Variants in NPAS3 observed in about 807,000 individuals in gnomAD.
The protein encoded by NPAS3 is neuronal PAS domain-containing protein 3.
NPAS3 carries 14 observed loss-of-function variants against 73.1 expected under a neutral mutation model. That is an observed-to-expected ratio of 0.19 (90% CI 0.13 to 0.30). The LOEUF is 0.30. Ranked by LOEUF, NPAS3 falls within the 10% of genes least tolerant of loss-of-function variation. NPAS3 has a pLI of 1.00. For synonymous variants in NPAS3, 620 were observed against 541.5 expected, an observed-to-expected ratio of 1.14 and a Z score of -2.01; for missense variants, 1,096 against 1,250.0, an observed-to-expected ratio of 0.88 and a Z score of 1.86.
At chr14:33,094,856 C>A in intron 2 of NPAS3, among the ~76,000 whole-genome samples, 1 of 152,154 alleles carries the variant, frequency 6.6e-6, no homozygotes, top group Non-Finnish European at 1.5e-5. Context: ...TTGAACACCT[C>A]CAAAACTGAT....
At chr14:33,599,229 T>A (rs184733749) in intron 5 of NPAS3, among the ~76,000 whole-genome samples, 293 of 152,346 alleles carry the variant, frequency 1.9e-3, no homozygotes, top group Middle Eastern at 3.4e-3. Context: ...ATCCATTTGT[T>A]ACCTGAATTG....
At chr14:33,133,378 T>C (rs1486666238) in intron 2 of NPAS3, among the ~76,000 whole-genome samples, 3 of 152,188 alleles carry the variant, frequency 2.0e-5, no homozygotes, top group African/African-American at 7.2e-5. Context: ...TCAGAAGATA[T>C]TAGCAAGGCT....
At chr14:33,116,624 C>T (rs2043072584) in intron 2 of NPAS3, among the ~76,000 whole-genome samples, 1 of 152,084 alleles carries the variant, frequency 6.6e-6, no homozygotes, top group Non-Finnish European at 1.5e-5. Context: ...AATTTTCCCA[C>T]ATGAATGTTA....
chr14:33,344,459 C>A (rs1021289607), intron 3 of NPAS3, among the ~76,000 whole-genome samples: 1 of 152,086 alleles, frequency 6.6e-6, no homozygotes, highest in African/African-American at 2.4e-5. Flanking sequence ...TTGCTGTAAT[C>A]CCAATCCAAA....
chr14:33,273,171 CCT>C (rs1482169403), intron 3 of NPAS3, among the ~76,000 whole-genome samples: 2 of 152,090 alleles, frequency 1.3e-5, no homozygotes, highest in Non-Finnish European at 2.9e-5. Flanking sequence ...TGGGCTGTCC[CCT>C]GACTCCCCCG....
intron 2 of NPAS3, among the ~76,000 whole-genome samples, chr14:33,199,713 C>A (rs1012579158): frequency 6.8e-6 from 1 of 147,842 alleles, no homozygotes; most frequent in African/African-American, 2.5e-5. Flanking sequence ...TTCCCCTCCC[C>A]CTTCTTCTTC....
chr14:33,502,272 A>ATT (rs34556992), intron 4 of NPAS3, among the ~76,000 whole-genome samples: 43 of 149,772 alleles, frequency 2.9e-4, no homozygotes, highest in South Asian at 1.7e-3. Flanking sequence ...GCTCTCCCCC[A>ATT]TTTTTTTTTT....
upstream of NPAS3, chr14:32,939,265 C>CCGG: frequency 1.4e-6 from 1 of 697,484 alleles, no homozygotes; most frequent in Non-Finnish European, 2.5e-6. Flanking sequence ...GCCCCCCACC[C>CCGG]GGGAGGGGGG....
intron 4 of NPAS3, among the ~76,000 whole-genome samples, chr14:33,452,772 CTCAAAAA>C (rs1566916418): frequency 1.1e-4 from 1 of 9,406 alleles, no homozygotes; most frequent in South Asian, 4.6e-3. Flanking sequence ...TAGACTCTGT[CTCAAAAA>C]AAAAAAAAAA....
chr14:33,485,542 G>T (rs546486770), intron 4 of NPAS3, among the ~76,000 whole-genome samples: 1 of 152,030 alleles, frequency 6.6e-6, no homozygotes, highest in African/African-American at 2.4e-5. Context: ...GAGGTCCCCC[G>T]ACTACCCCAC....
At chr14:33,435,551 G>A (rs2048953047) in intron 4 of NPAS3, among the ~76,000 whole-genome samples, 1 of 152,048 alleles carries the variant, frequency 6.6e-6, no homozygotes, top group Admixed American at 6.6e-5. Flanking sequence ...TAGAATTCTG[G>A]ATTTATGTCA....
At chr14:33,087,980 G>A (rs79935524) in intron 2 of NPAS3, among the ~76,000 whole-genome samples, 8,225 of 152,310 alleles carry the variant, frequency 0.054, 279 homozygotes, top group Middle Eastern at 0.11. Context: ...TGAGGGGGGA[G>A]TCTAGATTGT....
intron 1 of NPAS3, among the ~76,000 whole-genome samples, chr14:32,998,985 C>G (rs2139547906): frequency 6.6e-6 from 1 of 152,294 alleles, no homozygotes; most frequent in African/African-American, 2.4e-5. Context: ...TGTGCTTCAT[C>G]AGGGCTGGAA....
intron 2 of NPAS3, among the ~76,000 whole-genome samples, chr14:33,131,902 A>T (rs926179239): frequency 3.9e-5 from 6 of 152,158 alleles, no homozygotes; most frequent in African/African-American, 1.4e-4. Flanking sequence ...TGATAGAGAA[A>T]GTGGGACAAG....
chr14:33,377,567 T>G (rs1413987617), intron 4 of NPAS3, among the ~76,000 whole-genome samples: 5 of 152,236 alleles, frequency 3.3e-5, no homozygotes, highest in Admixed American at 6.5e-5. Context: ...CTCAGAAGGA[T>G]GTTCATAATG....
At chr14:33,435,171 C>T (rs2139192940) in intron 4 of NPAS3, among the ~76,000 whole-genome samples, 1 of 152,286 alleles carries the variant, frequency 6.6e-6, no homozygotes, top group South Asian at 2.1e-4. Flanking sequence ...TGAAATCCAT[C>T]AGTCATAACC....
At position 33,160,742 on chromosome 14, in the gene NPAS3, TTTTG is replaced by T. The variant is rs1388625316; in HGVS notation, c.141-54436_141-54433del. Among the ~76,000 whole-genome samples the T allele has an allele frequency of 1.6e-4, 24 of 151,258 alleles. No homozygotes were observed. In the East Asian group the frequency reaches 3.1e-3, roughly 19 times the overall value. ...TTCTGTTTTTATTTATTTACTTTTT[TTTTG>T]TTTTAAGTCACAGAACTGCAGGAAC... On this transcript the variant is annotated intron_variant, in intron 2 of 11. Coordinates refer to ENST00000356141, the Ensembl canonical transcript of NPAS3.
intron 5 of NPAS3, among the ~76,000 whole-genome samples, chr14:33,642,776 C>A (rs1199488780): frequency 6.6e-6 from 1 of 152,084 alleles, no homozygotes; most frequent in Non-Finnish European, 1.5e-5. Flanking sequence ...GTCAGAGAAG[C>A]CTGGCTGAAC....
chr14:33,555,597 C>T (rs550983726), intron 4 of NPAS3, among the ~76,000 whole-genome samples: 27 of 152,240 alleles, frequency 1.8e-4, no homozygotes, highest in African/African-American at 6.3e-4. Flanking sequence ...CTTCCTCCTC[C>T]CACCTTTTTA....
Sources: allele counts gnomAD v4.1 joint callset (sites outside exome capture counted in the v4.1 genomes callset), GRCh38; gene constraint gnomAD v4.1.1; transcripts MANE v1.5; gene names NCBI Gene and HGNC (gene_info 2026-07-23, HGNC 2026-07-21).